The following ADAMTS17 variants were observed in gnomAD, a reference collection of about 807,000 sequenced individuals.
The protein encoded by ADAMTS17 is ADAM metallopeptidase with thrombospondin type 1 motif 17.
A neutral mutation model predicts 141.5 loss-of-function variants in ADAMTS17; 113 were observed. The ratio of observed to expected loss-of-function variants is 0.80; its 90% confidence interval spans 0.69 to 0.93. ADAMTS17 has a LOEUF of 0.93. Among genes scored for constraint, ADAMTS17 ranks in the 40% least tolerant of loss-of-function variants. The pLI is 0.00. For synonymous variants in ADAMTS17, 768 were observed against 630.6 expected, an observed-to-expected ratio of 1.22 and a Z score of -3.27; for missense variants, 1,659 against 1,517.9, an observed-to-expected ratio of 1.09 and a Z score of -1.54.
At chr15:100,156,145 A>G (rs1251093420) in intron 8 of ADAMTS17, among the ~76,000 whole-genome samples, 1 of 152,256 alleles carries the variant, frequency 6.6e-6, no homozygotes, top group East Asian at 1.9e-4. Flanking sequence ...GACCACAAGG[A>G]AAAGACCTCA....
At position 100,146,307 on chromosome 15, in the gene ADAMTS17, G is replaced by A. The variant is rs552444378; in HGVS notation, c.1473+6305C>T. 8.8e-4 allele frequency among the ~76,000 whole-genome samples: 134 copies of A among 152,336 alleles called. 1 individual carries two copies. The Middle Eastern group carries it at 0.014, about 15-fold the overall frequency. On this transcript the variant is annotated intron_variant, in intron 10 of 21. Coordinates refer to ENST00000268070, the MANE Select transcript of ADAMTS17 (RefSeq NM_139057.4). Reference sequence around the variant, plus strand: ...GCCATGGCAGAAGAACGTGGATTGTGAAGATTTCATGGACATTTATTAGTT... The same window carrying A: ...GCCATGGCAGAAGAACGTGGATTGTAAAGATTTCATGGACATTTATTAGTT...
In ADAMTS17 at chr15:100,054,058, GA is replaced by G. The variant is rs1441378217; in HGVS notation, c.2138-5del. On this transcript the variant is annotated splice_region_variant and splice_polypyrimidine_tract_variant and intron_variant, in intron 15 of 21. Transcript: ENST00000268070. ...CCCTTACCCGAGTCTTTGAGAGCTA[GA>G]AAGCAAGTTGAAGACCAAAGAATCA... 2 of 1,614,166 alleles carry G rather than the reference GA, an allele frequency of 1.2e-6. No individual in the cohort carries two copies. The highest frequency in any genetic ancestry group is 4.5e-5 in the East Asian group (2 of 44,876).
At chr15:100,189,922 T>C (rs1309154516) in intron 8 of ADAMTS17, among the ~76,000 whole-genome samples, 5 of 152,312 alleles carry the variant, frequency 3.3e-5, no homozygotes, top group Admixed American at 2.0e-4. Context: ...CTGCCTCAGT[T>C]GCCTGCATCA....
chr15:100,266,012 C>T (rs752090465), intron 4 of ADAMTS17, among the ~76,000 whole-genome samples: 19 of 152,178 alleles, frequency 1.2e-4, no homozygotes, highest in Non-Finnish European at 2.5e-4. Flanking sequence ...TTGCTGGTCA[C>T]CAGAGAGAGG....
intron 18 of ADAMTS17, among the ~76,000 whole-genome samples, chr15:100,011,920 G>C (rs1377822100): frequency 6.6e-6 from 1 of 152,202 alleles, no homozygotes; most frequent in African/African-American, 2.4e-5. Context: ...TGGTGGGATT[G>C]CTGGGCCAAA....
intron 2 of ADAMTS17, among the ~76,000 whole-genome samples, chr15:100,332,358 C>CACA (rs2141960304): frequency 6.6e-6 from 1 of 152,338 alleles, no homozygotes; most frequent in South Asian, 2.1e-4. Flanking sequence ...GGCCTCGGTG[C>CACA]AGAACACCCG....
intron 8 of ADAMTS17, among the ~76,000 whole-genome samples, chr15:100,169,476 C>T (rs1003852845): frequency 3.9e-5 from 6 of 152,216 alleles, no homozygotes; most frequent in Non-Finnish European, 5.9e-5. Flanking sequence ...CATATATCAT[C>T]TCATGAATTA....
At chr15:100,052,059 G>A (rs763253166) in intron 16 of ADAMTS17, among the ~76,000 whole-genome samples, 7 of 152,214 alleles carry the variant, frequency 4.6e-5, no homozygotes, top group East Asian at 1.9e-4. Flanking sequence ...GCTGCGTCAC[G>A]CAGAGAACAG....
intron 15 of ADAMTS17, among the ~76,000 whole-genome samples, chr15:100,095,731 C>T (rs1379607719): frequency 6.6e-6 from 1 of 152,072 alleles, no homozygotes; most frequent in Non-Finnish European, 1.5e-5. Flanking sequence ...AAAGTTGTGT[C>T]CCATGTAAGA....
chr15:100,209,548 G>A (rs1293022438), intron 7 of ADAMTS17, among the ~76,000 whole-genome samples: 1 of 151,848 alleles, frequency 6.6e-6, no homozygotes, highest in Non-Finnish European at 1.5e-5. Flanking sequence ...GGAAGCCCTA[G>A]GACAATCTCC....
intron 4 of ADAMTS17, 120 bp downstream of exon 4, chr15:100,281,109 C>T (rs1322887643): frequency 1.4e-6 from 2 of 1,396,986 alleles, no homozygotes; most frequent in Admixed American, 2.0e-5. Flanking sequence ...GGCTATGTTC[C>T]CGTATCCCCA....
chr15:100,089,217 C>G lies in ADAMTS17; in HGVS notation c.2137+7139G>C, dbSNP rs1405056509. Among the ~76,000 whole-genome samples, 3 of 145,306 alleles carry G rather than the reference C, an allele frequency of 2.1e-5. No individual in the cohort carries two copies. The Admixed American group carries it at 2.1e-4, about 10-fold the overall frequency. The stretch of plus-strand genomic sequence containing the variant: ...TCTCAAAAGAAGACATTTATGCAGC[C>G]AAAAAACACATGAAAAAATGCTCAT... On this transcript the variant is annotated intron_variant, in intron 15 of 21. Coordinates refer to ENST00000268070, the MANE Select transcript of ADAMTS17 (RefSeq NM_139057.4).
intron 14 of ADAMTS17, among the ~76,000 whole-genome samples, chr15:100,103,795 C>G (rs1433375263): frequency 6.6e-6 from 1 of 152,068 alleles, no homozygotes; most frequent in African/African-American, 2.4e-5. Context: ...AGGCTGGTCT[C>G]GAACTCCTGA....
chr15:100,302,685 T>C (rs542442538), intron 3 of ADAMTS17, among the ~76,000 whole-genome samples: 2 of 152,356 alleles, frequency 1.3e-5, no homozygotes, highest in South Asian at 4.1e-4. Flanking sequence ...TCTATTTGTA[T>C]ACCTTCTTTA....
At chr15:100,223,806 T>C (rs898633705) in intron 7 of ADAMTS17, among the ~76,000 whole-genome samples, 1 of 151,446 alleles carries the variant, frequency 6.6e-6, no homozygotes, top group Non-Finnish European at 1.5e-5. Flanking sequence ...TGTATATATA[T>C]GTGTGTGTGT....
At chr15:100,128,303 G>A (rs1309542187) in intron 12 of ADAMTS17, 1 of 152,212 alleles carries the variant, frequency 6.6e-6, no homozygotes, top group South Asian at 2.1e-4. Flanking sequence ...CCCTGGCAAG[G>A]TTTACTGAAG....
intron 3 of ADAMTS17, among the ~76,000 whole-genome samples, chr15:100,328,180 T>C (rs985400922): frequency 6.6e-6 from 1 of 152,192 alleles, no homozygotes; most frequent in Non-Finnish European, 1.5e-5. Context: ...TTAATCTTTC[T>C]AGGAAAGATT....
intron 7 of ADAMTS17, among the ~76,000 whole-genome samples, chr15:100,221,350 G>A (rs2042129063): frequency 6.6e-6 from 1 of 151,666 alleles, no homozygotes; most frequent in Non-Finnish European, 1.5e-5. Flanking sequence ...TAGCATATGT[G>A]TGTGTGTTTT....
chr15:100,323,404 G>C (rs926741734), intron 3 of ADAMTS17, among the ~76,000 whole-genome samples: 5 of 152,116 alleles, frequency 3.3e-5, no homozygotes, highest in African/African-American at 1.2e-4. Context: ...TGCCTCTTTA[G>C]GGAAAAGGTA....
Sources: allele counts gnomAD v4.1 joint callset (sites outside exome capture counted in the v4.1 genomes callset), GRCh38; gene constraint gnomAD v4.1.1; transcripts MANE v1.5; gene names NCBI Gene and HGNC (gene_info 2026-07-23, HGNC 2026-07-21).